The following DOCK4 variants were observed in gnomAD, a reference collection of about 807,000 sequenced individuals.
DOCK4 encodes the protein dedicator of cytokinesis 4.
In DOCK4, 97 loss-of-function variants were observed where a neutral mutation model predicts 268.1. The observed-to-expected ratio is 0.36, with a 90% CI of 0.31 to 0.43. The LOEUF is 0.43. Ranked by LOEUF, DOCK4 falls within the 20% of genes least tolerant of loss-of-function variation. DOCK4 has a pLI of 1.00. For missense variants in DOCK4, 2,145 were observed against 2,455.7 expected, an observed-to-expected ratio of 0.87 and a Z score of 2.67; for synonymous variants, 954 against 887.2, an observed-to-expected ratio of 1.08 and a Z score of -1.34.
chr7:111,869,194 AAT>A (rs1393233612), intron 21 of DOCK4, among the ~76,000 whole-genome samples: 1 of 152,084 alleles, frequency 6.6e-6, no homozygotes, highest in African/African-American at 2.4e-5. Flanking sequence ...TTGCTCTTAA[AAT>A]TTAACATAAA....
chr7:112,077,047 CAG>C (rs900906609), intron 1 of DOCK4, among the ~76,000 whole-genome samples: 10 of 152,054 alleles, frequency 6.6e-5, no homozygotes, highest in East Asian at 5.8e-4. Flanking sequence ...AAATGGGAAA[CAG>C]GGAGAGAAAA....
At chr7:111,973,500 C>A (rs1376415818) in intron 8 of DOCK4, among the ~76,000 whole-genome samples, 1 of 152,032 alleles carries the variant, frequency 6.6e-6, no homozygotes, top group African/African-American at 2.4e-5. Flanking sequence ...GAAGCTAGAG[C>A]TGAAATTTAC....
At chr7:111,879,871 C>T (rs533864818) in intron 16 of DOCK4, among the ~76,000 whole-genome samples, 3 of 151,994 alleles carry the variant, frequency 2.0e-5, no homozygotes, top group Non-Finnish European at 4.4e-5. Context: ...TTTGAAAATA[C>T]ACAGTCAGAG....
chr7:112,064,109 G>A (rs536308452), intron 1 of DOCK4, among the ~76,000 whole-genome samples: 4 of 152,198 alleles, frequency 2.6e-5, no homozygotes, highest in Non-Finnish European at 5.9e-5. Flanking sequence ...GCTGGCACAG[G>A]TGCTGGCAGA....
At chr7:111,814,098 A>G (rs1448335710) in intron 27 of DOCK4, among the ~76,000 whole-genome samples, 2 of 152,196 alleles carry the variant, frequency 1.3e-5, no homozygotes, top group African/African-American at 4.8e-5. Context: ...GTGTTAGTGA[A>G]ATATGACATA....
chr7:112,130,260 G>C (rs1215597120), intron 1 of DOCK4, among the ~76,000 whole-genome samples: 1 of 152,152 alleles, frequency 6.6e-6, no homozygotes, highest in Non-Finnish European at 1.5e-5. Flanking sequence ...GAGCCAATAT[G>C]AGCCTGGAAT....
At chr7:112,163,534 T>C (rs1817327506) in intron 1 of DOCK4, among the ~76,000 whole-genome samples, 1 of 152,224 alleles carries the variant, frequency 6.6e-6, no homozygotes, top group Non-Finnish European at 1.5e-5. Context: ...TGTCTTTCGG[T>C]TGTGTGCACA....
chr7:111,926,539 G>A (rs1793697155), intron 12 of DOCK4, among the ~76,000 whole-genome samples: 1 of 147,612 alleles, frequency 6.8e-6, no homozygotes, highest in Admixed American at 6.7e-5. Context: ...AAGAGAAAGA[G>A]AAAGAGAAAG....
rs1162852463 is a variant in DOCK4, at chr7:111,741,527, G to C, written c.4919+13C>G. 5.0e-6 allele frequency: 8 copies of C among 1,611,206 alleles called. No homozygotes were observed. The highest frequency in any genetic ancestry group is 1.7e-5 in the Admixed American group (1 of 59,568). The stretch of plus-strand genomic sequence containing the variant: ...TGAGGCCAAATTGTAAGATAATTTG[G>C]AATATGACTTACCTGCGTCTAGGAA... On this transcript the variant is annotated intron_variant, in intron 46 of 52. Transcript: ENST00000428084.
intron 1 of DOCK4, among the ~76,000 whole-genome samples, chr7:112,189,489 T>G (rs1819739951): frequency 6.6e-6 from 1 of 152,038 alleles, no homozygotes; most frequent in Non-Finnish European, 1.5e-5. Context: ...TTAAACGGAG[T>G]CTAGCAGTCA....
At chr7:111,784,566 A>G (rs368640388) in intron 32 of DOCK4, 7 of 432,606 alleles carry the variant, frequency 1.6e-5, no homozygotes, top group East Asian at 7.0e-5. Flanking sequence ...CACTAATCAC[A>G]GAGGATTTTC....
chr7:111,939,966 AG>A (rs1795072187), intron 11 of DOCK4, 143 bp downstream of exon 11: 1 of 794,660 alleles, frequency 1.3e-6, no homozygotes, highest in South Asian at 1.8e-5. Context: ...ACTTGCAACA[AG>A]TCTACAGATT....
At chr7:111,736,200 C>T (rs1795459239) in intron 50 of DOCK4, among the ~76,000 whole-genome samples, 2 of 152,298 alleles carry the variant, frequency 1.3e-5, no homozygotes, top group South Asian at 4.1e-4. Flanking sequence ...AAGGCACTTT[C>T]CCAGACTATT....
intron 1 of DOCK4, among the ~76,000 whole-genome samples, chr7:112,035,620 G>A (rs552974275): frequency 1.1e-3 from 160 of 152,148 alleles, no homozygotes; most frequent in Middle Eastern, 3.4e-3. Flanking sequence ...AGTAGAGAGA[G>A]AATCACACTG....
intron 51 of DOCK4, chr7:111,732,561 A>G (rs1367598552): frequency 1.1e-5 from 5 of 461,816 alleles, no homozygotes; most frequent in East Asian, 7.9e-5. Flanking sequence ...AACTGATCCA[A>G]TGTCCTTTCC....
chr7:111,944,103 G>A (rs1795420648), intron 10 of DOCK4, among the ~76,000 whole-genome samples: 1 of 152,112 alleles, frequency 6.6e-6, no homozygotes, highest in Non-Finnish European at 1.5e-5. Flanking sequence ...TGTTTTTAGA[G>A]GCATTTTATG....
At chr7:112,081,313 C>T (rs1372552420) in intron 1 of DOCK4, among the ~76,000 whole-genome samples, 1 of 152,130 alleles carries the variant, frequency 6.6e-6, no homozygotes, top group East Asian at 1.9e-4. Context: ...GACACTATTT[C>T]ACATGGAAAC....
rs1157703704 is a variant in DOCK4 at position 112,127,873 on chromosome 7, A to G, written c.37+78229T>C. ...GTAAAACCCCATCTCTACTAAAAAT[A>G]CAAAAATTAGTCGGGCATGGTGGTG... On this transcript the variant is annotated intron_variant, in intron 1 of 52. Transcript: ENST00000428084. 2.6e-5 allele frequency among the ~76,000 whole-genome samples: 4 copies of G among 152,284 alleles called. No individual in the cohort carries two copies. The East Asian group carries it at 5.8e-4, about 22-fold the overall frequency.
intron 30 of DOCK4, among the ~76,000 whole-genome samples, chr7:111,807,256 T>C (rs768215751): frequency 2.6e-5 from 4 of 152,116 alleles, no homozygotes; most frequent in African/African-American, 4.8e-5. Context: ...AAAAACATCT[T>C]GCTAAATTAA....
Sources: gnomAD v4.1 joint callset for allele counts (sites outside exome capture counted in the v4.1 genomes callset) on GRCh38, gnomAD v4.1.1 for gene constraint, MANE v1.5 for transcripts, NCBI Gene and HGNC (gene_info 2026-07-23, HGNC 2026-07-21) for gene names.